Variants in BTN2A2 observed in about 807,000 individuals in gnomAD.
BTN2A2 encodes butyrophilin 2.
BTN2A2 carries 29 observed loss-of-function variants against 34.7 expected under a neutral mutation model. The observed-to-expected ratio is 0.84, with a 90% CI of 0.62 to 1.14. BTN2A2 has a LOEUF of 1.14. Ranked by LOEUF, BTN2A2 falls within the 50% of genes most tolerant of loss-of-function variation. BTN2A2 has a pLI of 0.00. For synonymous variants in BTN2A2, 240 were observed against 253.1 expected (o/e 0.95, Z 0.49); for missense variants, 612 against 651.5 (o/e 0.94, Z 0.66).
rs985715573 is a variant in BTN2A2 at position 26,383,549 on chromosome 6, G to T, written c.-30-243G>T. 2.3e-6 allele frequency: 1 copy of T among 431,456 alleles called. No homozygotes were observed. Among genetic ancestry groups the T allele is most frequent in the Non-Finnish European group, 4.2e-6 (1 of 240,156 alleles). The allele number at this position is 431,456 out of a possible 1,614,324, so 26.7% of individuals were successfully genotyped here. A position where few individuals can be genotyped will look rare whatever the true frequency, so the allele number is the denominator to read the frequency against. On this transcript the variant is annotated intron_variant, in intron 1 of 7. Transcript: ENST00000356709. The surrounding 1 kb of genome is among the most constrained non-coding windows in gnomAD (Gnocchi z 4.4). ...GAATCCAGGGACAACTGAAGAAACC[G>T]GACTGTGGCCCGAGAAGTGGGAAGA... is the stretch of plus-strand genomic sequence containing the variant.
intron 7 of BTN2A2, 129 bp downstream of exon 7, chr6:26,390,958 C>A: frequency 7.1e-7 from 1 of 1,402,234 alleles, no homozygotes; most frequent in Non-Finnish European, 1.0e-6. Flanking sequence ...GTCAGTTCAT[C>A]AACGGTGTCC....
rs1197318710 is a variant in BTN2A2, at chr6:26,385,330, A to T, written c.410A>T (p.Tyr137Phe). ...YRCYFQEGRS[Y>F]DEAILRLVVA... The stretch of plus-strand genomic sequence containing the variant: ...TGTTACTTCCAAGAAGGCAGGTCCT[A>T]CGATGAGGCCATCCTACGCCTCGTG... The change falls in exon 3 of 8, where the codon TAC (tyrosine) becomes TTC (phenylalanine). Residue 137 changes from tyrosine to phenylalanine, a missense_variant. By Grantham distance (22) the Tyr-to-Phe change is conservative (BLOSUM62 3). Coordinates refer to ENST00000356709, the MANE Select transcript of BTN2A2 (RefSeq NM_006995.5). The T allele has an allele frequency of 3.7e-6, 6 of 1,614,030 alleles. No individual in the cohort carries two copies. In the Admixed American group the frequency reaches 1.0e-4, roughly 27 times the overall value.
chr6:26,390,871 C>T (rs757641440), intron 7 of BTN2A2, 42 bp downstream of exon 7: 1 of 1,613,226 alleles, frequency 6.2e-7, no homozygotes, highest in East Asian at 2.2e-5. Context: ...GCTTTCTCCC[C>T]ACTAGCCAGC....
At position 26,393,117 on chromosome 6, in the gene BTN2A2, C is replaced by A. The variant is rs1761710987; in HGVS notation, c.*150C>A. On this transcript the variant is annotated 3_prime_UTR_variant, in exon 8 of 8. Transcript: ENST00000356709. ...TGCCTTTTTCACACCCACTCCAGCC[C>A]TCTGCCCCAGTTTTCTCCTCCTCAC... is the stretch of plus-strand genomic sequence containing the variant. 12 of 1,608,030 alleles carry A rather than the reference C, an allele frequency of 7.5e-6. No individual in the cohort carries two copies. The South Asian group carries it at 1.2e-4, about 16-fold the overall frequency.
Position 26,393,239 on chromosome 6 carries a change from T to A in BTN2A2, c.*272T>A, listed in dbSNP as rs1477867084. 1 of 1,468,982 alleles carries A rather than the reference T, an allele frequency of 6.8e-7. No individual in the cohort carries two copies. The highest frequency in any genetic ancestry group is 9.0e-7 in the Non-Finnish European group (1 of 1,110,390). The allele number at this position is 1,468,982 out of a possible 1,614,324, so 91.0% of individuals were successfully genotyped here. A position where few individuals can be genotyped will look rare whatever the true frequency, so the allele number is the denominator to read the frequency against. On this transcript the variant is annotated 3_prime_UTR_variant, in exon 8 of 8. Transcript: ENST00000356709. The stretch of plus-strand genomic sequence containing the variant: ...TCATAGCTCCCAGTCAAAAAGAAAG[T>A]GAGAGAAGCTGTTGGGCAGCGAACC...
intron 5 of BTN2A2, 21 bp from the exon 6 acceptor site, chr6:26,390,666 G>C (rs1307607645): frequency 1.4e-5 from 23 of 1,614,028 alleles, no homozygotes; most frequent in Non-Finnish European, 1.8e-5. Flanking sequence ...ACATGATTTT[G>C]TTTCTGTATT....
Position 26,393,662 on chromosome 6 carries a change from C to A in BTN2A2, c.*695C>A. 6.0e-6 allele frequency: 6 copies of A among 992,800 alleles called. No homozygotes were observed. Among genetic ancestry groups the A allele is most frequent in the Non-Finnish European group, 7.2e-6 (6 of 834,642 alleles). 61.5% of individuals were successfully genotyped at this position (992,800 alleles called of 1,614,324 possible). A position where few individuals can be genotyped will look rare whatever the true frequency, so the allele number is the denominator to read the frequency against. On this transcript the variant is annotated 3_prime_UTR_variant, in exon 8 of 8. Coordinates refer to ENST00000356709, the MANE Select transcript of BTN2A2 (RefSeq NM_006995.5). ...AATAAACAAGGGGTCAGTACTTAGT[C>A]CCTGAGTGTGGTTGAGGTTTGAGGT... is the stretch of plus-strand genomic sequence containing the variant.
intron 7 of BTN2A2, 119 bp from the exon 8 acceptor site, chr6:26,392,256 G>T: frequency 6.4e-7 from 1 of 1,565,728 alleles, no homozygotes; most frequent in Non-Finnish European, 8.7e-7. Flanking sequence ...GACCTTCATG[G>T]AAACGGCCAC....
Position 26,385,401 on chromosome 6 carries a change from G to A in BTN2A2, c.442+39G>A, listed in dbSNP as rs955732539. The A allele has an allele frequency of 7.0e-6, 11 of 1,567,242 alleles. No homozygotes were observed. The South Asian group carries it at 1.0e-4, about 15-fold the overall frequency. ...TTTTGCTTTATTACTTTTGCACAGT[G>A]TGACTTTTGGGGAAAGTTTCTCCCT... On this transcript the variant is annotated intron_variant, in intron 3 of 7. Coordinates refer to ENST00000356709, the MANE Select transcript of BTN2A2 (RefSeq NM_006995.5).
At chr6:26,385,858 A>G (rs1315124219) in intron 3 of BTN2A2, among the ~76,000 whole-genome samples, 1 of 152,108 alleles carries the variant, frequency 6.6e-6, no homozygotes, top group Non-Finnish European at 1.5e-5. Flanking sequence ...CCTGGGCTTC[A>G]CTTCTTCAGA....
At position 26,393,506 on chromosome 6, in the gene BTN2A2, C is replaced by T. The variant is rs974256814; in HGVS notation, c.*539C>T. 4 of 1,022,414 alleles carry T rather than the reference C, an allele frequency of 3.9e-6. No homozygotes were observed. In the South Asian group the frequency reaches 1.6e-4, roughly 40 times the overall value. The allele number at this position is 1,022,414 out of a possible 1,614,324, so 63.3% of individuals were successfully genotyped here. On this transcript the variant is annotated 3_prime_UTR_variant, in exon 8 of 8. Coordinates refer to ENST00000356709, the MANE Select transcript of BTN2A2 (RefSeq NM_006995.5). Reference sequence around the variant, plus strand: ...GTCCCACCATAAGAGCTAAAGGGTCCTGGGAGATGATGGCTCATTTCCACC... The same window carrying T: ...GTCCCACCATAAGAGCTAAAGGGTCTTGGGAGATGATGGCTCATTTCCACC...
chr6:26,384,184 C>G lies in BTN2A2; in HGVS notation c.94+269C>G, dbSNP rs917658510. 6.6e-6 allele frequency among the ~76,000 whole-genome samples: 1 copy of G among 152,046 alleles called. No homozygotes were observed. The highest frequency in any genetic ancestry group is 1.5e-5 in the Non-Finnish European group (1 of 68,012). On this transcript the variant is annotated intron_variant, in intron 2 of 7. Transcript: ENST00000356709. The surrounding 1 kb of genome is among the most constrained non-coding windows in gnomAD (Gnocchi z 4.0). ...AAGAGAGAGTATATTGCTCTGTTGC[C>G]AGGCCGGAATGAAGCAGATGGAGAA... is the stretch of plus-strand genomic sequence containing the variant.
rs1280961942 is a variant in BTN2A2 at position 26,384,841 on chromosome 6, C to T, written c.95-174C>T. On this transcript the variant is annotated intron_variant, in intron 2 of 7. Coordinates refer to ENST00000356709, the MANE Select transcript of BTN2A2 (RefSeq NM_006995.5). This position sits in a 1 kb window ranked among gnomAD's most constrained non-coding sequence, Gnocchi z 4.0. ...AGGGGTTGGTGCTGCCGACCAGCCA[C>T]AGCTACTGGTCCCCAGAAGGGTTCT... Among the ~76,000 whole-genome samples the T allele has an allele frequency of 6.6e-6, 1 of 152,222 alleles. No homozygotes were observed. Among genetic ancestry groups the T allele is most frequent in the Non-Finnish European group, 1.5e-5 (1 of 68,042 alleles).
At chr6:26,388,691 C>A (rs1286916362) in intron 4 of BTN2A2, among the ~76,000 whole-genome samples, 1 of 152,180 alleles carries the variant, frequency 6.6e-6, no homozygotes, top group Non-Finnish European at 1.5e-5. Flanking sequence ...GGGAAATTCC[C>A]TATCAAGAGA....
intron 3 of BTN2A2, 116 bp from the exon 4 acceptor site, chr6:26,387,897 A>G (rs1761304925): frequency 2.9e-6 from 3 of 1,051,518 alleles, no homozygotes; most frequent in Non-Finnish European, 2.8e-6. Flanking sequence ...TTTATTTTGC[A>G]TATTGGTTTC....
In BTN2A2 at chr6:26,393,796, A is replaced by G; in HGVS notation, c.*829A>G. 6 of 979,924 alleles carry G rather than the reference A, an allele frequency of 6.1e-6. No individual in the cohort carries two copies. The highest frequency in any genetic ancestry group is 7.3e-6 in the Non-Finnish European group (6 of 824,744). 60.7% of individuals were successfully genotyped at this position (979,924 alleles called of 1,614,324 possible). Reference sequence around the variant, plus strand: ...TCTAATTATGTTTTTAGACACTTAGAAGTTATTGAGGACTTTAAAGAGCTT... The same window carrying G: ...TCTAATTATGTTTTTAGACACTTAGGAGTTATTGAGGACTTTAAAGAGCTT... On this transcript the variant is annotated 3_prime_UTR_variant, in exon 8 of 8. Transcript: ENST00000356709.
chr6:26,391,548 CACA>C (rs1454469704), intron 7 of BTN2A2: 3 of 153,636 alleles, frequency 2.0e-5, no homozygotes, highest in Non-Finnish European at 4.3e-5. Context: ...GGGACACAAT[CACA>C]ACTTGTCACA....
At position 26,384,427 on chromosome 6, in the gene BTN2A2, C is replaced by T. The variant is rs79295471; in HGVS notation, c.94+512C>T. 8.9e-3 allele frequency among the ~76,000 whole-genome samples: 1,361 copies of T among 152,254 alleles called. 12 individuals carry two copies. Among genetic ancestry groups the T allele is most frequent in the Non-Finnish European group, 0.014 (977 of 68,022 alleles). On this transcript the variant is annotated intron_variant, in intron 2 of 7. Coordinates refer to ENST00000356709, the MANE Select transcript of BTN2A2 (RefSeq NM_006995.5). This position sits in a 1 kb window ranked among gnomAD's most constrained non-coding sequence, Gnocchi z 4.0. The stretch of plus-strand genomic sequence containing the variant: ...CCTCCCAAATATCTGCAATTACAGG[C>T]GCAAGACCCTGTGCCTATTCTACTT...
rs1223496859 is a variant in BTN2A2, at chr6:26,383,481, C to G, written c.-31+300C>G. 1 of 266,672 alleles carries G rather than the reference C, an allele frequency of 3.7e-6. No homozygotes were observed. Among genetic ancestry groups the G allele is most frequent in the East Asian group, 1.1e-4 (1 of 9,466 alleles). 16.5% of individuals were successfully genotyped at this position (266,672 alleles called of 1,614,324 possible). A position where few individuals can be genotyped will look rare whatever the true frequency, so the allele number is the denominator to read the frequency against. ...CTGGCTTTACCTCGAGTGTCCCGAC[C>G]TGGGTCTCGGGGAGGGGGAAGTGGA... On this transcript the variant is annotated intron_variant, in intron 1 of 7. Coordinates refer to ENST00000356709, the MANE Select transcript of BTN2A2 (RefSeq NM_006995.5). This position sits in a 1 kb window ranked among gnomAD's most constrained non-coding sequence, Gnocchi z 4.4.
Sources: allele counts gnomAD v4.1 joint callset (sites outside exome capture counted in the v4.1 genomes callset), GRCh38; gene constraint gnomAD v4.1.1; non-coding constraint Gnocchi (gnomAD v3.1); transcripts MANE v1.5; gene names NCBI Gene and HGNC (gene_info 2026-07-23, HGNC 2026-07-21).